Variants in ZNF423 observed in about 807,000 individuals in gnomAD.
ZNF423 encodes zinc finger protein 423, also known as Ebf-associated zinc finger protein.
In ZNF423, 12 loss-of-function variants were observed where a neutral mutation model predicts 95.8. That is an observed-to-expected ratio of 0.13 (90% confidence interval 0.08 to 0.20). ZNF423 has a LOEUF of 0.20. ZNF423 is among the 10% of genes least tolerant of loss of function. ZNF423 has a pLI of 1.00. For missense variants in ZNF423, 1,316 were observed against 1,737.1 expected, an observed-to-expected ratio of 0.76 and a Z score of 4.31; for synonymous variants, 749 against 711.9, an observed-to-expected ratio of 1.05 and a Z score of -0.83.
At chr16:49,589,126 C>T (rs1970929577) in intron 5 of ZNF423, among the ~76,000 whole-genome samples, 1 of 152,180 alleles carries the variant, frequency 6.6e-6, no homozygotes, top group Non-Finnish European at 1.5e-5. Context: ...CTTGGCATTT[C>T]CCCCAAGAGT....
intron 5 of ZNF423, among the ~76,000 whole-genome samples, chr16:49,581,523 C>G (rs1218526151): frequency 1.3e-5 from 2 of 152,184 alleles, no homozygotes; most frequent in East Asian, 3.8e-4. Context: ...TGCTAGGCCT[C>G]CATTAGCTGG....
chr16:49,684,437 A>G (rs2031485768), intron 3 of ZNF423, among the ~76,000 whole-genome samples: 1 of 152,350 alleles, frequency 6.6e-6, no homozygotes, highest in East Asian at 1.9e-4. Flanking sequence ...GAGGATGTCC[A>G]TGCCATTAAT....
At chr16:49,572,453 C>A (rs1970381485) in intron 5 of ZNF423, among the ~76,000 whole-genome samples, 1 of 152,090 alleles carries the variant, frequency 6.6e-6, no homozygotes, top group Admixed American at 6.5e-5. Flanking sequence ...GTCTGGAAAC[C>A]AAATCACCCA....
chr16:49,737,750 G>C (rs896285987), intron 2 of ZNF423, among the ~76,000 whole-genome samples: 1 of 152,220 alleles, frequency 6.6e-6, no homozygotes, highest in Non-Finnish European at 1.5e-5. Flanking sequence ...GGCTTCGCAA[G>C]GTCATGAGCC....
chr16:49,816,076 G>A lies in ZNF423; in HGVS notation c.41-26530C>T, dbSNP rs953813612. Among the ~76,000 whole-genome samples, 5 of 150,988 alleles carry A rather than the reference G, an allele frequency of 3.3e-5. No homozygotes were observed. In the South Asian group the frequency reaches 8.4e-4, roughly 26 times the overall value. On this transcript the variant is annotated intron_variant, in intron 1 of 7. Coordinates refer to ENST00000563137, the MANE Select transcript of ZNF423 (RefSeq NM_001379286.1). Reference sequence around the variant, plus strand: ...TGGAATTACAAGCGCCCGCCACTACGCCGGGCTAATTTTTGTATTTTTAGT... The same window carrying A: ...TGGAATTACAAGCGCCCGCCACTACACCGGGCTAATTTTTGTATTTTTAGT...
chr16:49,854,859 C>A (rs1175022853), intron 1 of ZNF423: 1 of 985,260 alleles, frequency 1.0e-6, no homozygotes, highest in African/African-American at 1.7e-5. Context: ...TGCAGCTCCC[C>A]ACAAACGCGC....
intron 1 of ZNF423, among the ~76,000 whole-genome samples, chr16:49,825,661 T>C (rs891535290): frequency 1.3e-5 from 2 of 152,118 alleles, no homozygotes; most frequent in Admixed American, 6.5e-5. Flanking sequence ...AGAAGTCTAA[T>C]ATGAAGCAAT....
intron 7 of ZNF423, among the ~76,000 whole-genome samples, chr16:49,502,728 G>C (rs1567427717): frequency 1.3e-5 from 2 of 151,866 alleles, no homozygotes; most frequent in Non-Finnish European, 2.9e-5. Context: ...AGCCTCCCAA[G>C]GCAGCGTTCC....
chr16:49,544,226 G>A (rs963141361), intron 5 of ZNF423, among the ~76,000 whole-genome samples: 1 of 152,214 alleles, frequency 6.6e-6, no homozygotes, highest in African/African-American at 2.4e-5. Context: ...TGAGGCCAGT[G>A]CTTGCCTTTG....
chr16:49,573,979 T>A (rs1970422783), intron 5 of ZNF423, among the ~76,000 whole-genome samples: 1 of 152,318 alleles, frequency 6.6e-6, no homozygotes, highest in Admixed American at 6.5e-5. Flanking sequence ...CAGCAAGCCG[T>A]ACCAATCTCT....
chr16:49,599,543 G>A (rs1283554143), intron 5 of ZNF423, among the ~76,000 whole-genome samples: 2 of 152,186 alleles, frequency 1.3e-5, no homozygotes, highest in East Asian at 3.8e-4. Context: ...AGGATTCATA[G>A]ACAACATGGA....
chr16:49,609,450 G>A (rs141406995), intron 5 of ZNF423, among the ~76,000 whole-genome samples: 3 of 152,052 alleles, frequency 2.0e-5, no homozygotes, highest in East Asian at 1.9e-4. Flanking sequence ...ATAGAATTAC[G>A]TCAATAAACA....
chr16:49,666,333 T>C (rs1029589614), intron 3 of ZNF423, among the ~76,000 whole-genome samples: 1 of 152,208 alleles, frequency 6.6e-6, no homozygotes, highest in Non-Finnish European at 1.5e-5. Context: ...ATTCCCCACC[T>C]GCCTTCGACA....
intron 5 of ZNF423, among the ~76,000 whole-genome samples, chr16:49,537,011 C>A (rs1054693076): frequency 6.6e-6 from 1 of 152,248 alleles, no homozygotes; most frequent in African/African-American, 2.4e-5. Flanking sequence ...ATGAAGAACA[C>A]CTCAGCCCTT....
chr16:49,492,808 C>T lies in ZNF423; in HGVS notation c.3850-1504G>A, dbSNP rs189205626. On this transcript the variant is annotated intron_variant, in intron 7 of 7. Coordinates refer to ENST00000563137, the MANE Select transcript of ZNF423 (RefSeq NM_001379286.1). The surrounding 1 kb of genome is among the most constrained non-coding windows in gnomAD (Gnocchi z 4.2). ...GGTGGGACTTCTTAAGATGAAGACA[C>T]CGAGGCCTAGGAAGGCAAAAATTAC... Among the ~76,000 whole-genome samples, 22 of 152,266 alleles carry T rather than the reference C, an allele frequency of 1.4e-4. No homozygotes were observed. Among genetic ancestry groups the T allele is most frequent in the Admixed American group, 1.2e-3 (18 of 15,296 alleles).
At position 49,490,324 on chromosome 16, in the gene ZNF423, C is replaced by T. The variant is rs567459688; in HGVS notation, c.*951G>A. 9 of 152,386 alleles carry T rather than the reference C, an allele frequency of 5.9e-5. No homozygotes were observed. The highest frequency in any genetic ancestry group is 4.1e-4 in the South Asian group (2 of 4,822). 9.4% of individuals were successfully genotyped at this position (152,386 alleles called of 1,614,324 possible). ...GCTGCGTGGCCTTGGGAAAGCTGCACGTTACCCTTGGGCCTCTGTTTCCCC... is the reference window on the plus strand; with the variant it reads ...GCTGCGTGGCCTTGGGAAAGCTGCATGTTACCCTTGGGCCTCTGTTTCCCC... On this transcript the variant is annotated 3_prime_UTR_variant, in exon 8 of 8. Transcript: ENST00000563137.
intron 1 of ZNF423, among the ~76,000 whole-genome samples, chr16:49,801,163 G>A (rs953706303): frequency 6.6e-6 from 1 of 152,194 alleles, no homozygotes; most frequent in African/African-American, 2.4e-5. Context: ...CAGCCCCGGG[G>A]GACTGAGGAG....
chr16:49,807,529 C>T (rs1006755215), intron 1 of ZNF423, among the ~76,000 whole-genome samples: 2 of 152,256 alleles, frequency 1.3e-5, no homozygotes, highest in African/African-American at 2.4e-5. Context: ...AAAGACACCC[C>T]GGGGTAGGGG....
intron 7 of ZNF423, among the ~76,000 whole-genome samples, chr16:49,516,733 A>G (rs932307426): frequency 4.6e-5 from 7 of 152,130 alleles, no homozygotes; most frequent in African/African-American, 1.4e-4. Flanking sequence ...CTTCCCTGAA[A>G]AGCACCCTGA....
Sources: allele counts gnomAD v4.1 joint callset (sites outside exome capture counted in the v4.1 genomes callset), GRCh38; gene constraint gnomAD v4.1.1; non-coding constraint Gnocchi (gnomAD v3.1); transcripts MANE v1.5; gene names NCBI Gene and HGNC (gene_info 2026-07-23, HGNC 2026-07-21).